FKBP15: variants seen among roughly 807,000 people sequenced by gnomAD.
FKBP15 encodes the protein FKBP prolyl isomerase family member 15.
A neutral mutation model predicts 158.1 loss-of-function variants in FKBP15; 106 were observed. The observed-to-expected ratio is 0.67, with a 90% CI of 0.57 to 0.79. The LOEUF (loss-of-function observed/expected upper bound fraction) is 0.79. FKBP15 is among the 30% of genes least tolerant of loss of function. The pLI is 0.00. For synonymous variants in FKBP15, 547 were observed against 548.6 expected (o/e 1.00, Z 0.04); for missense variants, 1,287 against 1,479.1 (o/e 0.87, Z 2.13).
At chr9:113,207,018 C>G (rs1830901299) in intron 3 of FKBP15, 194 bp downstream of exon 3, 1 of 559,918 alleles carries the variant, frequency 1.8e-6, no homozygotes, top group East Asian at 2.9e-5. Context: ...TCCCTAAAGA[C>G]AGTAGACAAG....
At chr9:113,179,046 T>C (rs1830346383) in intron 19 of FKBP15, among the ~76,000 whole-genome samples, 1 of 152,018 alleles carries the variant, frequency 6.6e-6, no homozygotes, top group Non-Finnish European at 1.5e-5. Context: ...TTTTTTTTTT[T>C]TAGAGATGGG....
At chr9:113,188,687 C>G in intron 12 of FKBP15, 196 bp from the exon 13 acceptor site, 1 of 543,140 alleles carries the variant, frequency 1.8e-6, no homozygotes, top group South Asian at 2.3e-5. Flanking sequence ...AAGTAAGAGT[C>G]CTTCTCCCTA....
In FKBP15 at chr9:113,198,857, T is replaced by C; in HGVS notation, c.715A>G (p.Lys239Glu). 1.9e-6 allele frequency: 3 copies of C among 1,601,094 alleles called. No individual in the cohort carries two copies. Among genetic ancestry groups the C allele is most frequent in the Non-Finnish European group, 1.7e-6 (2 of 1,172,954 alleles). ...AAAAAACACAGTTAAGCCTTTACCT[T>C]GATGACTTTTCCTGATCCTAACTTC... ...RLKLGSGKVIKGWEDGMLGMK... is the reference protein window; with the variant it reads ...RLKLGSGKVIEGWEDGMLGMK... Residue 239 changes from lysine to glutamate, a missense_variant and splice_region_variant, in exon 8 of 28, where the codon AAG becomes GAG. Coordinates refer to ENST00000238256, the MANE Select transcript of FKBP15 (RefSeq NM_015258.2). This position sits in a 1 kb window ranked among gnomAD's most constrained non-coding sequence, Gnocchi z 5.2.
At chr9:113,189,823 T>C (rs1393161180) in intron 12 of FKBP15, among the ~76,000 whole-genome samples, 1 of 152,214 alleles carries the variant, frequency 6.6e-6, no homozygotes, top group East Asian at 1.9e-4. Context: ...AAAATTAAGT[T>C]ACTTTATAGC....
chr9:113,190,687 A>G (rs1015764999), intron 11 of FKBP15, 109 bp from the exon 12 acceptor site: 2 of 741,512 alleles, frequency 2.7e-6, no homozygotes, highest in African/African-American at 1.8e-5. Context: ...TCCCCCTACC[A>G]TATCTATTTA....
chr9:113,184,253 G>T lies in FKBP15; in HGVS notation c.1716+39C>A. Reference sequence around the variant, plus strand: ...ACCTCTGAGAAGAGAGGATGGGTAAGACCTTCAGCCTGAGTGGTATGTTCT... The same window carrying T: ...ACCTCTGAGAAGAGAGGATGGGTAATACCTTCAGCCTGAGTGGTATGTTCT... On this transcript the variant is annotated intron_variant, in intron 17 of 27. Transcript: ENST00000238256. This position sits in a 1 kb window ranked among gnomAD's most constrained non-coding sequence, Gnocchi z 4.5. 7.1e-7 allele frequency: 1 copy of T among 1,406,586 alleles called. No individual in the cohort carries two copies. The highest frequency in any genetic ancestry group is 1.2e-5 in the South Asian group (1 of 81,464). The allele number at this position is 1,406,586 out of a possible 1,614,324, so 87.1% of individuals were successfully genotyped here.
intron 23 of FKBP15, 46 bp downstream of exon 23, chr9:113,173,405 CAA>C (rs1327871909): frequency 6.3e-7 from 1 of 1,583,238 alleles, no homozygotes; most frequent in South Asian, 1.1e-5. Context: ...CTGCTTGCCT[CAA>C]ATTAACTGGG....
At chr9:113,202,106 C>T (rs1037845594) in intron 6 of FKBP15, among the ~76,000 whole-genome samples, 1 of 152,048 alleles carries the variant, frequency 6.6e-6, no homozygotes, top group Non-Finnish European at 1.5e-5. Flanking sequence ...GTTGCCCAGG[C>T]TGATCTTGAA....
intron 11 of FKBP15, among the ~76,000 whole-genome samples, chr9:113,190,930 C>T (rs1830562751): frequency 6.6e-6 from 1 of 152,178 alleles, no homozygotes; most frequent in South Asian, 2.1e-4. Flanking sequence ...AGTACCCTCA[C>T]TCAAAACCCT....
chr9:113,163,086 T>TA lies in FKBP15; in HGVS notation c.*2991_*2992insT. The TA allele has an allele frequency of 1.7e-6, 1 of 580,544 alleles. No homozygotes were observed. Among genetic ancestry groups the TA allele is most frequent in the Non-Finnish European group, 2.9e-6 (1 of 346,928 alleles). The allele number at this position is 580,544 out of a possible 1,614,324, so 36.0% of individuals were successfully genotyped here. A position where few individuals can be genotyped will look rare whatever the true frequency, so the allele number is the denominator to read the frequency against. On this transcript the variant is annotated 3_prime_UTR_variant, in exon 28 of 28. Coordinates refer to ENST00000238256, the MANE Select transcript of FKBP15 (RefSeq NM_015258.2). ...TTGCTCCCTGGAGTTCGGAAGCCAT[T>TA]GCAGCAACCTTCCTTCTCAGCCAGC...
Position 113,184,834 on chromosome 9 carries a change from A to T in FKBP15, c.1499-30T>A, listed in dbSNP as rs1438712595. On this transcript the variant is annotated intron_variant, in intron 15 of 27. Transcript: ENST00000238256. The surrounding 1 kb of genome is among the most constrained non-coding windows in gnomAD (Gnocchi z 4.5). ...ACAGATACAAGCCAAAAAGAAACTTATGAAACTGGAGCAGAGGAAACTGTA... is the reference window on the plus strand; with the variant it reads ...ACAGATACAAGCCAAAAAGAAACTTTTGAAACTGGAGCAGAGGAAACTGTA... 6.5e-7 allele frequency: 1 copy of T among 1,528,686 alleles called. No homozygotes were observed. The highest frequency in any genetic ancestry group is 1.9e-5 in the Admixed American group (1 of 51,844). The allele number at this position is 1,528,686 out of a possible 1,614,324, so 94.7% of individuals were successfully genotyped here.
At chr9:113,186,110 A>T (rs1830480588) in intron 15 of FKBP15, 139 bp downstream of exon 15, 1 of 634,128 alleles carries the variant, frequency 1.6e-6, no homozygotes, top group Admixed American at 2.9e-5. Flanking sequence ...TGTGGAATAC[A>T]TATTATATCT....
In FKBP15 at chr9:113,205,228, T is replaced by C. The variant is rs1316693007; in HGVS notation, c.324+1281A>G. ...AAAACTTTTGTACATCAAAGGACAT[T>C]ATCAAGAAAGTGAAAAGATAATCTA... On this transcript the variant is annotated intron_variant, in intron 4 of 27. Transcript: ENST00000238256. 2.0e-5 allele frequency among the ~76,000 whole-genome samples: 3 copies of C among 152,186 alleles called. No homozygotes were observed. In the East Asian group the frequency reaches 5.8e-4, roughly 29 times the overall value.
chr9:113,216,525 T>C (rs1225169737), intron 1 of FKBP15, among the ~76,000 whole-genome samples: 1 of 152,184 alleles, frequency 6.6e-6, no homozygotes, highest in East Asian at 1.9e-4. Context: ...CAAATGCTTA[T>C]GGAATTTAGA....
Position 113,178,775 on chromosome 9 carries a change from C to T in FKBP15, c.1941G>A (p.Ala647=), listed in dbSNP as rs377595231. Residue 647 remains alanine (A), a synonymous_variant, in exon 20 of 28, where the codon GCG becomes GCA. Transcript: ENST00000238256. ...EKAKVTEELA[A]ATAQVSHLQL... is the part of the protein sequence containing the mutation. ...GCAGATGAGAGACCTGTGCAGTGGC[C>T]GCTGCTAACTCCTCTGTCACCTTGG... is the stretch of plus-strand genomic sequence containing the variant. 1.6e-5 allele frequency: 26 copies of T among 1,608,564 alleles called. No individual in the cohort carries two copies. The Admixed American group carries it at 1.9e-4, about 11-fold the overall frequency.
In FKBP15 at chr9:113,190,470, C is replaced by T. The variant is rs1167474818; in HGVS notation, c.1173+1G>A. 6.9e-6 allele frequency: 11 copies of T among 1,604,786 alleles called. No individual in the cohort carries two copies. The highest frequency in any genetic ancestry group is 9.4e-6 in the Non-Finnish European group (11 of 1,174,908). On this transcript the variant is annotated splice_donor_variant, in intron 12 of 27. Coordinates refer to ENST00000238256, the MANE Select transcript of FKBP15 (RefSeq NM_015258.2). LOFTEE classifies it high-confidence loss of function. ...ATTCTAATACAGCCAGGGGGACATACTTCGATTTCTGAATCATTGGAATCC... is the reference window on the plus strand; with the variant it reads ...ATTCTAATACAGCCAGGGGGACATATTTCGATTTCTGAATCATTGGAATCC...
chr9:113,174,817 A>ACATCCTAACTTTAATAAAGGTACAGG (rs138365812), intron 21 of FKBP15, among the ~76,000 whole-genome samples: 2 of 51,772 alleles, frequency 3.9e-5, no homozygotes, highest in South Asian at 1.8e-3. Flanking sequence ...GAGCTAGGGA[A>ACATCCTAACTTTAATAAAGGTACAGG]ATTGGGAGGC....
At chr9:113,213,195 G>T (rs1457103372) in intron 1 of FKBP15, among the ~76,000 whole-genome samples, 1 of 152,112 alleles carries the variant, frequency 6.6e-6, no homozygotes, top group Non-Finnish European at 1.5e-5. Flanking sequence ...GATCACTTGA[G>T]GTCAGGCGTT....
Position 113,169,623 on chromosome 9 carries a change from A to G in FKBP15, c.3086T>C (p.Leu1029Pro). Residue 1029 changes from leucine to proline, a missense_variant, in exon 26 of 28, where the codon CTG becomes CCG. By Grantham distance (98) the Leu-to-Pro change is moderately conservative. Transcript: ENST00000238256. ...EIKDGSLPPE[L>P]SCIPSHRVLG... ...AACTCTGTGGGATGGGATGCAAGAC[A>G]GTTCGGGTGGAAGGGAACCATCTTT... 6.2e-7 allele frequency: 1 copy of G among 1,614,020 alleles called. No homozygotes were observed. Among genetic ancestry groups the G allele is most frequent in the African/African-American group, 1.3e-5 (1 of 75,050 alleles).
Sources: gnomAD v4.1 joint callset for allele counts (sites outside exome capture counted in the v4.1 genomes callset) on GRCh38, gnomAD v4.1.1 for gene constraint, Gnocchi (gnomAD v3.1) non-coding constraint, MANE v1.5 for transcripts, NCBI Gene and HGNC (gene_info 2026-07-23, HGNC 2026-07-21) for gene names.